The following CDK14 variants were observed in gnomAD, a reference collection of about 807,000 sequenced individuals.
CDK14 encodes cyclin-dependent kinase 14.
CDK14 carries 34 observed loss-of-function variants against 60.7 expected under a neutral mutation model. The ratio of observed to expected loss-of-function variants is 0.56; its 90% CI spans 0.43 to 0.75. The LOEUF is 0.75. Ranked by LOEUF, CDK14 falls within the 30% of genes least tolerant of loss-of-function variation. The pLI is 0.00. For synonymous variants in CDK14, 197 were observed against 203.7 expected, an observed-to-expected ratio of 0.97 and a Z score of 0.28; for missense variants, 482 against 564.1, an observed-to-expected ratio of 0.85 and a Z score of 1.47.
intron 14 of CDK14, among the ~76,000 whole-genome samples, chr7:91,178,807 A>T (rs1167429340): frequency 6.6e-6 from 1 of 151,746 alleles, no homozygotes; most frequent in East Asian, 1.9e-4. Context: ...GTCAGGAAAC[A>T]ACAGGTGCTG....
chr7:91,170,320 T>A (rs1801477703), intron 14 of CDK14, among the ~76,000 whole-genome samples: 1 of 152,234 alleles, frequency 6.6e-6, no homozygotes, highest in Admixed American at 6.5e-5. Context: ...TACATGCTAA[T>A]TTTATATACT....
chr7:90,928,082 C>T (rs750713408), intron 8 of CDK14, among the ~76,000 whole-genome samples: 5 of 152,122 alleles, frequency 3.3e-5, no homozygotes, highest in African/African-American at 4.8e-5. Flanking sequence ...TTAAGGACTT[C>T]TCTACACTGG....
chr7:91,041,950 G>T (rs1180550927), intron 10 of CDK14, among the ~76,000 whole-genome samples: 1 of 152,174 alleles, frequency 6.6e-6, no homozygotes, highest in Non-Finnish European at 1.5e-5. Flanking sequence ...TCCACTCTGA[G>T]GACCACAATG....
At chr7:90,692,935 G>GT (rs1192764064) in intron 2 of CDK14, among the ~76,000 whole-genome samples, 7 of 149,086 alleles carry the variant, frequency 4.7e-5, no homozygotes, top group African/African-American at 1.7e-4. Context: ...CTTCCATCAA[G>GT]TAAAAAAAAA....
chr7:90,748,046 G>A (rs886750103), intron 4 of CDK14, among the ~76,000 whole-genome samples: 4 of 151,904 alleles, frequency 2.6e-5, no homozygotes, highest in Non-Finnish European at 1.5e-5. Flanking sequence ...AGTTGGAACC[G>A]TCTAATGAGA....
chr7:91,010,790 CTCCTTCCTTCTTTCCTTCCT>C (rs1796130728), intron 10 of CDK14, among the ~76,000 whole-genome samples: 1 of 90,604 alleles, frequency 1.1e-5, no homozygotes, highest in Non-Finnish European at 2.2e-5. Context: ...CCTTCTTTCC[CTCCTTCCTTCTTTCCTTCCT>C]TCCTTCCTTC....
chr7:91,116,323 A>G (rs143667458), intron 13 of CDK14, among the ~76,000 whole-genome samples: 2 of 152,332 alleles, frequency 1.3e-5, no homozygotes, highest in African/African-American at 4.8e-5. Context: ...CAGTGTGAAG[A>G]GCACTGAACT....
rs34446911 is a variant in CDK14 at position 90,883,122 on chromosome 7, TA to T, written c.640-16159del. 4.8e-3 allele frequency among the ~76,000 whole-genome samples: 709 copies of T among 146,838 alleles called. 4 individuals are homozygous for T. Among genetic ancestry groups the T allele is most frequent in the African/African-American group, 0.016 (662 of 40,156 alleles). ...AAGAATTGAAGGAGATAGAGACACA[TA>T]AAAAAAAAACTCCAAAAAATAAATG... On this transcript the variant is annotated intron_variant, in intron 6 of 14. Coordinates refer to ENST00000380050, the MANE Select transcript of CDK14 (RefSeq NM_001287135.2).
chr7:90,890,875 C>T (rs1374858268), intron 6 of CDK14, among the ~76,000 whole-genome samples: 2 of 152,138 alleles, frequency 1.3e-5, no homozygotes, highest in African/African-American at 4.8e-5. Context: ...TAATAAGGTG[C>T]AGGTGAAGTA....
intron 2 of CDK14, among the ~76,000 whole-genome samples, chr7:90,718,289 A>G (rs1014442945): frequency 6.6e-6 from 1 of 152,240 alleles, no homozygotes; most frequent in East Asian, 1.9e-4. Flanking sequence ...AAGTGTATAC[A>G]TGGTATGTAC....
intron 10 of CDK14, among the ~76,000 whole-genome samples, chr7:90,986,563 T>A (rs1795377680): frequency 6.6e-6 from 1 of 152,008 alleles, no homozygotes; most frequent in South Asian, 2.1e-4. Context: ...CATGTTTGGT[T>A]TTTTGTTCTA....
Position 90,696,342 on chromosome 7 carries a change from T to TCTTC in CDK14, c.124-30225_124-30224insCTTC, listed in dbSNP as rs1406375646. ...TGGTTTTGTACTTCTTCTTCTTTTT[T>TCTTC]TTTTTTTTTTTTTTTTGAGACAGAG... On this transcript the variant is annotated intron_variant, in intron 2 of 14. Transcript: ENST00000380050. 1.7e-3 allele frequency among the ~76,000 whole-genome samples: 85 copies of TCTTC among 51,216 alleles called. 1 individual carries two copies. The highest frequency in any genetic ancestry group is 3.1e-3 in the African/African-American group (50 of 16,324). 33.6% of individuals were successfully genotyped at this position (51,216 alleles called of 152,430 possible). A position where few individuals can be genotyped will look rare whatever the true frequency, so the allele number is the denominator to read the frequency against.
chr7:90,704,820 G>A (rs1437114560), intron 2 of CDK14, among the ~76,000 whole-genome samples: 3 of 152,010 alleles, frequency 2.0e-5, no homozygotes, highest in Admixed American at 2.0e-4. Flanking sequence ...ACGGTGTTTT[G>A]GGAAAGTATT....
At chr7:90,701,902 C>T (rs768190228) in intron 2 of CDK14, among the ~76,000 whole-genome samples, 26 of 152,150 alleles carry the variant, frequency 1.7e-4, no homozygotes, top group Admixed American at 4.6e-4. Context: ...GCTTTAGGGT[C>T]TGAGTTGAGC....
chr7:90,905,752 T>G lies in CDK14; in HGVS notation c.702+6399T>G, dbSNP rs1415452170. ...ATTAAATTACTGTAATTAGCTTGAT[T>G]ATTTGTGACTTTCGAAACACTAAGT... On this transcript the variant is annotated intron_variant, in intron 7 of 14. Coordinates refer to ENST00000380050, the MANE Select transcript of CDK14 (RefSeq NM_001287135.2). Among the ~76,000 whole-genome samples, 3 of 152,164 alleles carry G rather than the reference T, an allele frequency of 2.0e-5. No individual in the cohort carries two copies. The East Asian group carries it at 5.8e-4, about 29-fold the overall frequency.
intron 5 of CDK14, among the ~76,000 whole-genome samples, chr7:90,846,915 C>G (rs1363683829): frequency 6.6e-6 from 1 of 152,172 alleles, no homozygotes; most frequent in Admixed American, 6.6e-5. Flanking sequence ...TCTGGTTGGT[C>G]CAGTCCATTT....
intron 5 of CDK14, among the ~76,000 whole-genome samples, chr7:90,835,806 G>C (rs1790075719): frequency 6.6e-6 from 1 of 152,118 alleles, no homozygotes; most frequent in African/African-American, 2.4e-5. Context: ...AAACATCATA[G>C]AGTGCTAATA....
At chr7:90,721,040 T>G (rs943448231) in intron 2 of CDK14, among the ~76,000 whole-genome samples, 1 of 152,156 alleles carries the variant, frequency 6.6e-6, no homozygotes, top group South Asian at 2.1e-4. Flanking sequence ...TTCACATAGG[T>G]TTTCTTTTTA....
intron 2 of CDK14, among the ~76,000 whole-genome samples, chr7:90,650,140 T>G (rs1267741727): frequency 6.6e-6 from 1 of 152,232 alleles, no homozygotes; most frequent in Non-Finnish European, 1.5e-5. Context: ...GACATTTTAA[T>G]GATCACCATT....
Sources: gnomAD v4.1 joint callset for allele counts (sites outside exome capture counted in the v4.1 genomes callset) on GRCh38, gnomAD v4.1.1 for gene constraint, MANE v1.5 for transcripts, NCBI Gene and HGNC (gene_info 2026-07-23, HGNC 2026-07-21) for gene names.